The following ZNF385B variants were observed in gnomAD, a reference collection of about 807,000 sequenced individuals.
ZNF385B encodes the protein zinc finger protein 533.
Under a neutral mutation model 39.2 loss-of-function variants are expected in ZNF385B, and 23 were observed. The observed-to-expected ratio is 0.59, with a 90% CI of 0.42 to 0.83. ZNF385B has a LOEUF of 0.83. Among genes scored for constraint, ZNF385B ranks in the 40% least tolerant of loss-of-function variants. The pLI is 0.00. For missense variants in ZNF385B, 552 were observed against 598.9 expected, an observed-to-expected ratio of 0.92 and a Z score of 0.82; for synonymous variants, 205 against 222.6, an observed-to-expected ratio of 0.92 and a Z score of 0.70.
intron 6 of ZNF385B, among the ~76,000 whole-genome samples, chr2:179,452,041 T>C (rs1356669080): frequency 3.9e-5 from 6 of 152,162 alleles, no homozygotes. Context: ...AATTATTTCT[T>C]GATTACTCAA....
At chr2:179,478,232 A>G (rs2053634223) in intron 6 of ZNF385B, among the ~76,000 whole-genome samples, 1 of 152,112 alleles carries the variant, frequency 6.6e-6, no homozygotes, top group South Asian at 2.1e-4. Context: ...TTTCTCTTTA[A>G]ATCCGATATA....
chr2:179,609,842 T>C (rs899185051), intron 3 of ZNF385B, among the ~76,000 whole-genome samples: 5 of 152,244 alleles, frequency 3.3e-5, no homozygotes, highest in Non-Finnish European at 7.3e-5. Context: ...CACCATTTCA[T>C]ATACTTGTGT....
chr2:179,752,264 T>G (rs1378689188), intron 3 of ZNF385B, among the ~76,000 whole-genome samples: 11 of 152,248 alleles, frequency 7.2e-5, no homozygotes, highest in Non-Finnish European at 1.2e-4. Context: ...GGACGTGAAC[T>G]CATCATTTTT....
chr2:179,524,293 CT>C (rs1203596000), intron 4 of ZNF385B, among the ~76,000 whole-genome samples: 4 of 151,958 alleles, frequency 2.6e-5, no homozygotes, highest in Admixed American at 1.3e-4. Context: ...TGGCTGACGC[CT>C]GCAATCCCAG....
intron 3 of ZNF385B, among the ~76,000 whole-genome samples, chr2:179,553,202 A>G (rs540940948): frequency 6.7e-6 from 1 of 149,400 alleles, no homozygotes; most frequent in Non-Finnish European, 1.5e-5. Context: ...CCAAACAGAT[A>G]TAGTATTCAA....
At chr2:179,445,431 A>C (rs547432070) in intron 8 of ZNF385B, 119 bp downstream of exon 8, 246 of 921,514 alleles carry the variant, frequency 2.7e-4, no homozygotes, top group Non-Finnish European at 3.7e-4. Flanking sequence ...TATTGTCTGC[A>C]TCCTACAAAA....
chr2:179,755,042 G>C (rs1459742783), intron 3 of ZNF385B, among the ~76,000 whole-genome samples: 2 of 151,416 alleles, frequency 1.3e-5, no homozygotes, highest in Non-Finnish European at 2.9e-5. Context: ...AATTTTAGAT[G>C]TTTCCTGCTT....
intron 3 of ZNF385B, among the ~76,000 whole-genome samples, chr2:179,680,640 C>T (rs988007915): frequency 2.6e-5 from 4 of 152,092 alleles, no homozygotes; most frequent in African/African-American, 9.7e-5. Flanking sequence ...GTATGTTATA[C>T]TTCAATATAA....
At chr2:179,674,184 C>T (rs1696430232) in intron 3 of ZNF385B, among the ~76,000 whole-genome samples, 1 of 152,106 alleles carries the variant, frequency 6.6e-6, no homozygotes. Context: ...AACATCTACT[C>T]TATGCCTGGT....
chr2:179,683,154 G>A (rs1268419358), intron 3 of ZNF385B, among the ~76,000 whole-genome samples: 3 of 152,064 alleles, frequency 2.0e-5, no homozygotes, highest in African/African-American at 2.4e-5. Context: ...TTGGGAGGCC[G>A]AGGCGGGCGG....
At chr2:179,592,619 AT>A (rs777140177) in intron 3 of ZNF385B, among the ~76,000 whole-genome samples, 3 of 151,044 alleles carry the variant, frequency 2.0e-5, no homozygotes, top group African/African-American at 4.8e-5. Flanking sequence ...TTTGGACACT[AT>A]TTTTTTTTAC....
At chr2:179,853,511 TCATTG>T (rs1321142732) in intron 1 of ZNF385B, among the ~76,000 whole-genome samples, 15 of 152,230 alleles carry the variant, frequency 9.9e-5, no homozygotes, top group African/African-American at 3.4e-4. Context: ...CTCTTTCATT[TCATTG>T]TTCTTTTAAA....
chr2:179,714,174 A>G (rs969389661), intron 3 of ZNF385B, among the ~76,000 whole-genome samples: 1 of 152,192 alleles, frequency 6.6e-6, no homozygotes, highest in Non-Finnish European at 1.5e-5. Flanking sequence ...GGACCATGGA[A>G]AAAGTAAGGG....
At chr2:179,534,508 G>T (rs1364055669) in intron 4 of ZNF385B, among the ~76,000 whole-genome samples, 2 of 151,864 alleles carry the variant, frequency 1.3e-5, no homozygotes, top group East Asian at 3.9e-4. Flanking sequence ...TAAATATTCA[G>T]TCATATACCC....
At chr2:179,675,329 G>T (rs1696602968) in intron 3 of ZNF385B, among the ~76,000 whole-genome samples, 1 of 152,154 alleles carries the variant, frequency 6.6e-6, no homozygotes, top group Non-Finnish European at 1.5e-5. Flanking sequence ...GGAGGCACTG[G>T]CTTGCTGTCT....
rs1011241538 is a variant in ZNF385B, at chr2:179,592,076, A to G, written c.299-47107T>C. On this transcript the variant is annotated intron_variant, in intron 3 of 9. Coordinates refer to ENST00000410066, the MANE Select transcript of ZNF385B (RefSeq NM_152520.6). ...TCAAAAGTTACACCACTAAACCTGC[A>G]CATGCTCCATTTATGAAGAATAAAT... Among the ~76,000 whole-genome samples, 3 of 152,200 alleles carry G rather than the reference A, an allele frequency of 2.0e-5. No homozygotes were observed. In the East Asian group the frequency reaches 5.8e-4, roughly 29 times the overall value.
intron 3 of ZNF385B, among the ~76,000 whole-genome samples, chr2:179,690,011 C>T (rs904941275): frequency 6.6e-6 from 1 of 152,150 alleles, no homozygotes; most frequent in Admixed American, 6.5e-5. Flanking sequence ...TTGCTAGTCT[C>T]TGGTTCTTCA....
intron 1 of ZNF385B, among the ~76,000 whole-genome samples, chr2:179,777,686 A>T (rs774980865): frequency 5.3e-5 from 8 of 152,086 alleles, no homozygotes; most frequent in Non-Finnish European, 1.0e-4. Flanking sequence ...CAGCTTTGCT[A>T]CCTCTAAATA....
At chr2:179,682,206 T>C (rs539816089) in intron 3 of ZNF385B, among the ~76,000 whole-genome samples, 3 of 152,218 alleles carry the variant, frequency 2.0e-5, no homozygotes, top group Admixed American at 6.5e-5. Flanking sequence ...ATAGTGTTCC[T>C]CTTCCCCACC....
Sources: allele counts gnomAD v4.1 joint callset (sites outside exome capture counted in the v4.1 genomes callset), GRCh38; gene constraint gnomAD v4.1.1; transcripts MANE v1.5; gene names NCBI Gene and HGNC (gene_info 2026-07-23, HGNC 2026-07-21).